The following LRRC4C variants were observed in gnomAD, a reference collection of about 807,000 sequenced individuals.
LRRC4C encodes leucine rich repeat containing 4C.
In LRRC4C, 5 loss-of-function variants were observed where a neutral mutation model predicts 33.6. That is an observed-to-expected ratio of 0.15 (90% CI 0.08 to 0.31). The LOEUF (loss-of-function observed/expected upper bound fraction) is 0.31. Ranked by LOEUF, LRRC4C falls within the 10% of genes least tolerant of loss-of-function variation. The probability of loss-of-function intolerance (pLI) is 1.00; values close to 1 mark genes in which losing one functional copy is unlikely to be tolerated. For synonymous variants in LRRC4C, 329 were observed against 302.0 expected, an observed-to-expected ratio of 1.09 and a Z score of -0.93; for missense variants, 560 against 796.7, an observed-to-expected ratio of 0.70 and a Z score of 3.58.
intron 1 of LRRC4C, among the ~76,000 whole-genome samples, chr11:41,078,568 C>G (rs1426625053): frequency 6.6e-6 from 1 of 152,038 alleles, no homozygotes; most frequent in African/African-American, 2.4e-5. Context: ...AGAGAGCGAG[C>G]AAAGGGGTAG....
chr11:41,264,488 G>T (rs753497302), intron 1 of LRRC4C, among the ~76,000 whole-genome samples: 25 of 152,158 alleles, frequency 1.6e-4, no homozygotes, highest in Non-Finnish European at 3.4e-4. Flanking sequence ...AGTATATATG[G>T]CAATAAATAC....
Position 40,116,065 on chromosome 11 carries a change from G to A in LRRC4C, c.228C>T (p.Thr76=), listed in dbSNP as rs780335862. ...NLREVPDGIS[T]NTRLLNLHEN... ...CATGGAGGTTCAGCAGCCGTGTGTT[G>A]GTGGAGATGCCATCCGGAACCTCAC... Residue 76 remains threonine, a synonymous_variant, in exon 7 of 7, where the codon ACC becomes ACT. Coordinates refer to ENST00000528697, the MANE Select transcript of LRRC4C (RefSeq NM_001258419.2). 1.9e-6 allele frequency: 3 copies of A among 1,614,058 alleles called. No individual in the cohort carries two copies. The highest frequency in any genetic ancestry group is 2.5e-6 in the Non-Finnish European group (3 of 1,180,004).
chr11:40,519,203 A>C (rs765473089), intron 3 of LRRC4C, among the ~76,000 whole-genome samples: 10 of 152,124 alleles, frequency 6.6e-5, no homozygotes, highest in Admixed American at 1.3e-4. Flanking sequence ...ACAAAACTCG[A>C]CGTTCTGCAC....
intron 5 of LRRC4C, among the ~76,000 whole-genome samples, chr11:40,143,434 G>A (rs189069939): frequency 5.3e-4 from 81 of 151,848 alleles, no homozygotes; most frequent in African/African-American, 1.8e-3. Flanking sequence ...TACAACAATC[G>A]TTCATATTCA....
chr11:40,621,767 G>A (rs766673621), intron 3 of LRRC4C, among the ~76,000 whole-genome samples: 2 of 151,446 alleles, frequency 1.3e-5, no homozygotes, highest in Non-Finnish European at 1.5e-5. Context: ...AATAAGAATA[G>A]CATTTATATA....
At chr11:40,504,004 C>G (rs1010984039) in intron 3 of LRRC4C, among the ~76,000 whole-genome samples, 2 of 152,056 alleles carry the variant, frequency 1.3e-5, no homozygotes, top group Non-Finnish European at 2.9e-5. Flanking sequence ...GTACAGCCCC[C>G]CAGTAACCCT....
intron 2 of LRRC4C, among the ~76,000 whole-genome samples, chr11:40,672,257 T>C (rs10768621): frequency 1.3e-5 from 2 of 151,718 alleles, no homozygotes; most frequent in Non-Finnish European, 2.9e-5. Context: ...GGAGTGAGGG[T>C]TCTCTCTTGG....
intron 1 of LRRC4C, among the ~76,000 whole-genome samples, chr11:41,200,872 G>T (rs1167562262): frequency 6.6e-6 from 1 of 152,188 alleles, no homozygotes; most frequent in Non-Finnish European, 1.5e-5. Flanking sequence ...GAAGAATGTT[G>T]TAGAACTCAG....
intron 4 of LRRC4C, among the ~76,000 whole-genome samples, chr11:40,244,467 T>A (rs1040881130): frequency 1.3e-5 from 2 of 152,186 alleles, no homozygotes; most frequent in East Asian, 3.9e-4. Flanking sequence ...AGTCTGTCAA[T>A]ACACCTGGAT....
chr11:40,580,905 A>G, intron 3 of LRRC4C, among the ~76,000 whole-genome samples: 1 of 152,270 alleles, frequency 6.6e-6, no homozygotes, highest in African/African-American at 2.4e-5. Flanking sequence ...TGGACTCAGT[A>G]ATACTGCTTC....
In LRRC4C at chr11:41,399,926, A is replaced by G. The variant is rs1953962327; in HGVS notation, c.-496+59505T>C. On this transcript the variant is annotated intron_variant, in intron 1 of 6. Transcript: ENST00000528697. ...CTGACAAATAAGAAAAATTAGATTCAGAAGGTTCTGGAAGGATAACAGAGC... is the reference window on the plus strand; with the variant it reads ...CTGACAAATAAGAAAAATTAGATTCGGAAGGTTCTGGAAGGATAACAGAGC... 2.0e-5 allele frequency among the ~76,000 whole-genome samples: 3 copies of G among 151,992 alleles called. No homozygotes were observed. The South Asian group carries it at 6.2e-4, about 31-fold the overall frequency.
intron 2 of LRRC4C, among the ~76,000 whole-genome samples, chr11:40,765,990 C>A (rs1949431658): frequency 6.7e-6 from 1 of 150,330 alleles, no homozygotes; most frequent in Non-Finnish European, 1.5e-5. Flanking sequence ...TATAGAACAC[C>A]AAACAGATTT....
chr11:40,828,225 A>G (rs1052367834), intron 2 of LRRC4C, among the ~76,000 whole-genome samples: 1 of 151,608 alleles, frequency 6.6e-6, no homozygotes, highest in Non-Finnish European at 1.5e-5. Context: ...TATATTATAT[A>G]CATACACATA....
chr11:41,306,776 A>G (rs1950516727), intron 1 of LRRC4C, among the ~76,000 whole-genome samples: 2 of 152,238 alleles, frequency 1.3e-5, no homozygotes, highest in Non-Finnish European at 2.9e-5. Flanking sequence ...CTAGGCTCAG[A>G]AACACTCCTG....
rs78655303 is a variant in LRRC4C, at chr11:40,407,736, A to T, written c.-269-88015T>A. On this transcript the variant is annotated intron_variant, in intron 3 of 6. Coordinates refer to ENST00000528697, the MANE Select transcript of LRRC4C (RefSeq NM_001258419.2). ...ATTTAACCTTGAAATATGGTTAGGCAATTTAAACCAATTCAACATACAATC... is the reference window on the plus strand; with the variant it reads ...ATTTAACCTTGAAATATGGTTAGGCTATTTAAACCAATTCAACATACAATC... Among the ~76,000 whole-genome samples the T allele has an allele frequency of 1.0e-2, 1,520 of 152,192 alleles. 24 individuals are homozygous for T. Among genetic ancestry groups the T allele is most frequent in the African/African-American group, 0.03 (1,249 of 41,548 alleles).
intron 3 of LRRC4C, among the ~76,000 whole-genome samples, chr11:40,384,485 T>C (rs1235039074): frequency 6.6e-6 from 1 of 152,144 alleles, no homozygotes; most frequent in Non-Finnish European, 1.5e-5. Context: ...ACAGATTATA[T>C]AGTTTTTGCA....
At chr11:40,163,238 A>G (rs1473533851) in intron 5 of LRRC4C, among the ~76,000 whole-genome samples, 1 of 152,236 alleles carries the variant, frequency 6.6e-6, no homozygotes. Flanking sequence ...TAAATTTTCA[A>G]TCAAATTTTT....
At chr11:40,997,924 T>C (rs888727787) in intron 1 of LRRC4C, among the ~76,000 whole-genome samples, 1 of 152,168 alleles carries the variant, frequency 6.6e-6, no homozygotes, top group Non-Finnish European at 1.5e-5. Context: ...GGTGTTTCTT[T>C]GAGCTGTCCA....
chr11:40,613,987 T>A (rs1565560461), intron 3 of LRRC4C, among the ~76,000 whole-genome samples: 1 of 151,892 alleles, frequency 6.6e-6, no homozygotes, highest in Non-Finnish European at 1.5e-5. Flanking sequence ...GTCTCATGTG[T>A]AGATCACAGG....
Sources: gnomAD v4.1 joint callset for allele counts (sites outside exome capture counted in the v4.1 genomes callset) on GRCh38, gnomAD v4.1.1 for gene constraint, MANE v1.5 for transcripts, NCBI Gene and HGNC (gene_info 2026-07-23, HGNC 2026-07-21) for gene names.